Variants in DCC observed in about 807,000 individuals in gnomAD.
The protein encoded by DCC is netrin receptor DCC.
In DCC, 58 loss-of-function variants were observed where a neutral mutation model predicts 172.5. The observed-to-expected ratio is 0.34, with a 90% CI of 0.27 to 0.42. The LOEUF (loss-of-function observed/expected upper bound fraction) is 0.42. DCC is among the 10% of genes least tolerant of loss of function. The probability of loss-of-function intolerance (pLI) is 1.00; values close to 1 mark genes in which losing one functional copy is unlikely to be tolerated. For synonymous variants in DCC, 709 were observed against 644.5 expected, an observed-to-expected ratio of 1.10 and a Z score of -1.52; for missense variants, 1,740 against 1,791.0, an observed-to-expected ratio of 0.97 and a Z score of 0.51.
Position 53,066,369 on chromosome 18 carries a change from A to G in DCC, c.1261+203A>G, listed in dbSNP as rs1451517188. On this transcript the variant is annotated intron_variant, in intron 7 of 28. Transcript: ENST00000442544. ...TACATGTGTGTATATATATATATATATATATATATATATATATATATATAT... is the reference window on the plus strand; with the variant it reads ...TACATGTGTGTATATATATATATATGTATATATATATATATATATATATAT... Among the ~76,000 whole-genome samples, 47 of 59,002 alleles carry G rather than the reference A, an allele frequency of 8.0e-4. 1 individual carries two copies. The highest frequency in any genetic ancestry group is 1.3e-3 in the South Asian group (3 of 2,260). 38.7% of individuals were successfully genotyped at this position (59,002 alleles called of 152,430 possible). A position where few individuals can be genotyped will look rare whatever the true frequency, so the allele number is the denominator to read the frequency against.
At chr18:53,212,597 G>A (rs1373786526) in intron 11 of DCC, among the ~76,000 whole-genome samples, 1 of 151,772 alleles carries the variant, frequency 6.6e-6, no homozygotes, top group Non-Finnish European at 1.5e-5. Context: ...AAAAAATACA[G>A]AAAAACTACT....
At chr18:52,521,618 G>A (rs1161832599) in intron 1 of DCC, among the ~76,000 whole-genome samples, 3 of 152,026 alleles carry the variant, frequency 2.0e-5, no homozygotes, top group Non-Finnish European at 2.9e-5. Context: ...TATAACAAAG[G>A]CCTTAGGACT....
chr18:53,377,099 AT>A (rs1907343188), intron 15 of DCC, among the ~76,000 whole-genome samples: 1 of 151,782 alleles, frequency 6.6e-6, no homozygotes, highest in Non-Finnish European at 1.5e-5. Context: ...CACATCTCTT[AT>A]TCTATAAAAG....
At chr18:52,848,082 ATTTT>A (rs11291428) in intron 2 of DCC, among the ~76,000 whole-genome samples, 3 of 127,354 alleles carry the variant, frequency 2.4e-5, no homozygotes, top group South Asian at 5.1e-4. Flanking sequence ...GACTTTTCTA[ATTTT>A]TTTTTTTTTT....
chr18:53,374,544 A>G (rs368098330), intron 15 of DCC, among the ~76,000 whole-genome samples: 4 of 152,182 alleles, frequency 2.6e-5, no homozygotes, highest in East Asian at 1.9e-4. Context: ...GGCTAGTTCA[A>G]TGCACACATT....
intron 12 of DCC, among the ~76,000 whole-genome samples, chr18:53,224,538 G>A (rs1194497356): frequency 1.3e-5 from 2 of 152,102 alleles, no homozygotes; most frequent in African/African-American, 2.4e-5. Flanking sequence ...GGGGTGGAAC[G>A]TAGAGGAAGC....
intron 12 of DCC, among the ~76,000 whole-genome samples, chr18:53,289,027 A>T (rs112656509): frequency 6.6e-6 from 1 of 152,162 alleles, no homozygotes; most frequent in Admixed American, 6.5e-5. Flanking sequence ...TAGTCATTAA[A>T]CACTGATAGA....
intron 1 of DCC, among the ~76,000 whole-genome samples, chr18:52,362,022 G>C (rs1377666048): frequency 6.6e-6 from 1 of 152,122 alleles, no homozygotes; most frequent in Non-Finnish European, 1.5e-5. Context: ...GAAGTCCCAA[G>C]GCACTAAAGA....
At chr18:53,400,358 T>C (rs1288462639) in intron 18 of DCC, among the ~76,000 whole-genome samples, 1 of 152,222 alleles carries the variant, frequency 6.6e-6, no homozygotes, top group Non-Finnish European at 1.5e-5. Context: ...TCAAAGTGAG[T>C]TGAGCACAGT....
At chr18:52,925,190 T>G (rs183912680) in intron 4 of DCC, 44 bp from the exon 5 acceptor site, 1 of 1,591,006 alleles carries the variant, frequency 6.3e-7, no homozygotes, top group East Asian at 2.2e-5. Flanking sequence ...TTGCTTAATA[T>G]ATACATATGT....
intron 5 of DCC, among the ~76,000 whole-genome samples, chr18:53,045,429 A>G (rs1250893591): frequency 6.6e-6 from 1 of 151,704 alleles, no homozygotes; most frequent in Non-Finnish European, 1.5e-5. Flanking sequence ...TAGTCACAGG[A>G]GAAGATGTTT....
intron 1 of DCC, among the ~76,000 whole-genome samples, chr18:52,549,621 C>T (rs907296448): frequency 6.6e-6 from 1 of 152,098 alleles, no homozygotes; most frequent in African/African-American, 2.4e-5. Flanking sequence ...AATAAGGTAA[C>T]TGACCATGGT....
intron 1 of DCC, among the ~76,000 whole-genome samples, chr18:52,712,695 GC>G (rs1182739523): frequency 6.6e-6 from 1 of 152,142 alleles, no homozygotes; most frequent in Non-Finnish European, 1.5e-5. Flanking sequence ...ACTCATGTTG[GC>G]ATTCTTAATT....
chr18:52,948,202 A>G (rs1046288121), intron 5 of DCC, among the ~76,000 whole-genome samples: 9 of 152,124 alleles, frequency 5.9e-5, no homozygotes, highest in East Asian at 3.9e-4. Flanking sequence ...TTTGTGTACA[A>G]TAGCTTCATA....
At chr18:53,114,342 CT>C (rs1466525074) in intron 7 of DCC, among the ~76,000 whole-genome samples, 1 of 150,380 alleles carries the variant, frequency 6.6e-6, no homozygotes, top group African/African-American at 2.5e-5. Context: ...AGATATTTAA[CT>C]TTGAAAAGAA....
chr18:53,259,581 C>T (rs1164240238), intron 12 of DCC, among the ~76,000 whole-genome samples: 1 of 152,178 alleles, frequency 6.6e-6, no homozygotes, highest in Non-Finnish European at 1.5e-5. Context: ...AAGAGATCTG[C>T]TGTTAGTCTA....
At chr18:53,009,576 G>A (rs963772197) in intron 5 of DCC, among the ~76,000 whole-genome samples, 8 of 151,654 alleles carry the variant, frequency 5.3e-5, no homozygotes, top group African/African-American at 1.7e-4. Flanking sequence ...TTTTTTTTTA[G>A]GCCATATGTT....
intron 1 of DCC, among the ~76,000 whole-genome samples, chr18:52,418,634 C>T (rs1054763239): frequency 1.3e-5 from 2 of 152,074 alleles, no homozygotes; most frequent in Non-Finnish European, 2.9e-5. Flanking sequence ...TCATCCTATA[C>T]AGTCACAAGC....
intron 1 of DCC, among the ~76,000 whole-genome samples, chr18:52,542,783 A>C (rs537159166): frequency 6.6e-6 from 1 of 152,116 alleles, no homozygotes; most frequent in Admixed American, 6.5e-5. Flanking sequence ...AGGTTGTAGT[A>C]AGCTGAGATA....
Sources: allele counts gnomAD v4.1 joint callset (sites outside exome capture counted in the v4.1 genomes callset), GRCh38; gene constraint gnomAD v4.1.1; transcripts MANE v1.5; gene names NCBI Gene and HGNC (gene_info 2026-07-23, HGNC 2026-07-21).